Variants in FHIT observed in about 807,000 individuals in gnomAD.
FHIT encodes fragile histidine triad diadenosine triphosphatase.
FHIT carries 19 observed loss-of-function variants against 17.9 expected under a neutral mutation model. That is an observed-to-expected ratio of 1.06 (90% CI 0.74 to 1.56). The LOEUF is 1.56. Ranked by LOEUF, FHIT falls within the 40% of genes most tolerant of loss-of-function variation. The pLI is 0.00. For missense variants in FHIT, 248 were observed against 189.2 expected, an observed-to-expected ratio of 1.31 and a Z score of -1.82; for synonymous variants, 81 against 69.7, an observed-to-expected ratio of 1.16 and a Z score of -0.81.
intron 5 of FHIT, among the ~76,000 whole-genome samples, chr3:60,230,182 ACACGCGGCCACTGG>A (rs749043043): frequency 1.8e-4 from 28 of 152,336 alleles, no homozygotes; most frequent in Middle Eastern, 6.8e-3. Context: ...CACAAGAGCC[ACACGCGGCCACTGG>A]CTGCCATAAT....
intron 5 of FHIT, chr3:60,535,907 G>A (rs971912984): frequency 3.3e-5 from 5 of 151,616 alleles, no homozygotes; most frequent in Non-Finnish European, 7.4e-5. Context: ...GAAAAAAAAT[G>A]TAGCTTACTC....
At chr3:60,941,921 A>G (rs1362549336) in intron 3 of FHIT, among the ~76,000 whole-genome samples, 7 of 152,178 alleles carry the variant, frequency 4.6e-5, no homozygotes, top group Admixed American at 6.5e-5. Context: ...CCCTGGTAAA[A>G]TTAGGTTCCC....
chr3:59,794,517 C>T (rs1355543396), intron 8 of FHIT, among the ~76,000 whole-genome samples: 3 of 152,160 alleles, frequency 2.0e-5, no homozygotes, highest in African/African-American at 7.2e-5. Flanking sequence ...CACCACCTGG[C>T]AAAACATCAG....
chr3:61,171,601 C>A (rs546316133), intron 2 of FHIT, among the ~76,000 whole-genome samples: 25 of 152,272 alleles, frequency 1.6e-4, no homozygotes, highest in African/African-American at 6.0e-4. Flanking sequence ...AAGCAAAAGA[C>A]ACCACTATTG....
In FHIT at chr3:60,023,567, C is replaced by CAG. The variant is rs1233910812; in HGVS notation, c.104-9416_104-9415insCT. On this transcript the variant is annotated intron_variant, in intron 5 of 9. Transcript: ENST00000492590. ...TCCCTCAGATCTTCCATATAGCTGG[C>CAG]CAAGCCAATGGAGCAACCAGACAAC... Among the ~76,000 whole-genome samples the CAG allele has an allele frequency of 2.6e-5, 4 of 152,206 alleles. No individual in the cohort carries two copies. The East Asian group carries it at 5.8e-4, about 22-fold the overall frequency.
intron 5 of FHIT, among the ~76,000 whole-genome samples, chr3:60,458,291 A>G (rs2032240840): frequency 6.6e-6 from 1 of 152,126 alleles, no homozygotes; most frequent in Admixed American, 6.5e-5. Context: ...AGGGACATGG[A>G]TGAAGGTGGA....
At chr3:60,434,932 G>T (rs241688) in intron 5 of FHIT, among the ~76,000 whole-genome samples, 83,727 of 152,000 alleles carry the variant, frequency 0.55, 23,984 homozygotes, top group Non-Finnish European at 0.62. Context: ...AAGAAAACAG[G>T]TATCATTTGT....
chr3:60,752,600 C>G (rs2042490733), intron 4 of FHIT, among the ~76,000 whole-genome samples: 1 of 152,206 alleles, frequency 6.6e-6, no homozygotes, highest in Non-Finnish European at 1.5e-5. Flanking sequence ...ACCCACAACC[C>G]TGGATACATT....
intron 2 of FHIT, among the ~76,000 whole-genome samples, chr3:61,116,272 A>C (rs1459832980): frequency 6.6e-6 from 1 of 152,178 alleles, no homozygotes; most frequent in African/African-American, 2.4e-5. Context: ...TTTGCATGTT[A>C]CTGCATAATA....
intron 8 of FHIT, among the ~76,000 whole-genome samples, chr3:59,778,979 A>C (rs1445696812): frequency 6.6e-6 from 1 of 152,164 alleles, no homozygotes; most frequent in African/African-American, 2.4e-5. Flanking sequence ...ACTAACTCAA[A>C]GTGGCTAATG....
At chr3:60,162,884 C>G (rs1265922729) in intron 5 of FHIT, among the ~76,000 whole-genome samples, 4 of 152,134 alleles carry the variant, frequency 2.6e-5, no homozygotes, top group African/African-American at 4.8e-5. Context: ...AACATTTCAA[C>G]CACAAGACCT....
chr3:60,643,677 C>T (rs564806392), intron 4 of FHIT, among the ~76,000 whole-genome samples: 61 of 152,252 alleles, frequency 4.0e-4, no homozygotes, highest in African/African-American at 1.4e-3. Flanking sequence ...GCCACAAAGT[C>T]AAGAATGATC....
intron 1 of FHIT, among the ~76,000 whole-genome samples, chr3:61,204,979 GC>G (rs1195076522): frequency 1.1e-5 from 1 of 90,874 alleles, no homozygotes; most frequent in Non-Finnish European, 2.1e-5. Context: ...CCCACCCCCC[GC>G]CCCACAACAA....
At chr3:60,520,185 GTATC>G (rs1201870475) in intron 5 of FHIT, among the ~76,000 whole-genome samples, 1 of 151,982 alleles carries the variant, frequency 6.6e-6, no homozygotes, top group Non-Finnish European at 1.5e-5. Context: ...GAACAGACTA[GTATC>G]TACATATATT....
intron 4 of FHIT, among the ~76,000 whole-genome samples, chr3:60,755,571 A>T (rs2042555674): frequency 6.6e-6 from 1 of 152,236 alleles, no homozygotes; most frequent in South Asian, 2.1e-4. Flanking sequence ...GCCATTTATC[A>T]GCAAGTGTTT....
chr3:60,168,702 A>G (rs1269403759), intron 5 of FHIT, among the ~76,000 whole-genome samples: 1 of 152,238 alleles, frequency 6.6e-6, no homozygotes, highest in African/African-American at 2.4e-5. Flanking sequence ...CCTGCGTTTC[A>G]TCAAGTCAGC....
intron 7 of FHIT, among the ~76,000 whole-genome samples, chr3:59,948,387 T>C (rs1389431852): frequency 2.0e-5 from 3 of 149,510 alleles, no homozygotes; most frequent in Non-Finnish European, 4.4e-5. Context: ...CATAGTGGCA[T>C]GTGCCTATAG....
intron 1 of FHIT, among the ~76,000 whole-genome samples, chr3:61,213,958 C>T (rs143323240): frequency 0.094 from 14,344 of 151,934 alleles, 2,176 homozygotes; most frequent in East Asian, 0.7. Context: ...TTGAAACCAA[C>T]GAGAACAAAG....
In FHIT at chr3:59,996,699, G is replaced by C. The variant is rs72877071; in HGVS notation, c.279+14672C>G. Reference sequence around the variant, plus strand: ...TAGCATGAAAGCCTGGTGGGTATTAGACATGAGAATAGTCAAACACCTTAG... The same window carrying C: ...TAGCATGAAAGCCTGGTGGGTATTACACATGAGAATAGTCAAACACCTTAG... On this transcript the variant is annotated intron_variant, in intron 7 of 9. Coordinates refer to ENST00000492590, the MANE Select transcript of FHIT (RefSeq NM_002012.4). Among the ~76,000 whole-genome samples the C allele has an allele frequency of 5.7e-3, 864 of 152,180 alleles. 1 individual carries two copies. Among genetic ancestry groups the C allele is most frequent in the African/African-American group, 0.02 (815 of 41,540 alleles).
Sources: allele counts gnomAD v4.1 joint callset (sites outside exome capture counted in the v4.1 genomes callset), GRCh38; gene constraint gnomAD v4.1.1; transcripts MANE v1.5; gene names NCBI Gene and HGNC (gene_info 2026-07-23, HGNC 2026-07-21).